The following REV3L variants were observed in gnomAD, a reference collection of about 807,000 sequenced individuals.
The protein encoded by REV3L is DNA polymerase zeta catalytic subunit.
REV3L carries 69 observed loss-of-function variants against 299.4 expected under a neutral mutation model. The observed-to-expected ratio is 0.23, with a 90% CI of 0.19 to 0.28. The LOEUF (loss-of-function observed/expected upper bound fraction) is 0.28. REV3L is among the 10% of genes least tolerant of loss of function. REV3L has a pLI of 1.00. For missense variants in REV3L, 3,128 were observed against 3,693.8 expected (o/e 0.85, Z 3.97); for synonymous variants, 1,238 against 1,271.4 (o/e 0.97, Z 0.56).
chr6:111,302,682 A>G (rs1163023302), intron 31 of REV3L, among the ~76,000 whole-genome samples: 2 of 152,158 alleles, frequency 1.3e-5, no homozygotes, highest in Admixed American at 6.5e-5. Flanking sequence ...AGGCAGGTGG[A>G]TCACCTGAGG....
rs753321329 is a variant in REV3L, at chr6:111,329,696, T to C, written c.8077A>G (p.Ile2693Val). 5.6e-6 allele frequency: 9 copies of C among 1,613,882 alleles called. No homozygotes were observed. The Admixed American group carries it at 1.5e-4, about 27-fold the overall frequency. Residue 2693 changes from isoleucine to valine, a missense_variant, in exon 25 of 32, where the codon ATT (isoleucine) becomes GTT (valine). By Grantham distance (29) the Ile-to-Val change is conservative (BLOSUM62 3). Around this residue, in one of 9 missense-constraint regions of REV3L, gnomAD observed 53 missense variants for 57.4 expected, o/e 0.92. Coordinates refer to ENST00000368802, the MANE Select transcript of REV3L (RefSeq NM_001372078.1). ...TTCACCATAAATCTAGTCTTCAAAATTTCTTCAAGCATTCTTGGTAGTACA... is the reference window on the plus strand; with the variant it reads ...TTCACCATAAATCTAGTCTTCAAAACTTCTTCAAGCATTCTTGGTAGTACA... ...KGVLPRMLEE[I>V]LKTRFMVKQS...
At chr6:111,419,572 G>C (rs991634138) in intron 1 of REV3L, among the ~76,000 whole-genome samples, 1 of 152,162 alleles carries the variant, frequency 6.6e-6, no homozygotes, top group Non-Finnish European at 1.5e-5. Flanking sequence ...GTTAGGATTA[G>C]GTTAAATTGT....
intron 20 of REV3L, 32 bp from the exon 21 acceptor site, chr6:111,344,075 A>C: frequency 7.0e-7 from 1 of 1,425,710 alleles, no homozygotes; most frequent in Non-Finnish European, 9.7e-7. Context: ...CATTATAATA[A>C]TGCTTACATT....
intron 1 of REV3L, among the ~76,000 whole-genome samples, chr6:111,455,006 T>G (rs1232654479): frequency 6.6e-6 from 1 of 152,118 alleles, no homozygotes; most frequent in African/African-American, 2.4e-5. Flanking sequence ...CAATAAGCAC[T>G]AAGGACACAA....
intron 1 of REV3L, among the ~76,000 whole-genome samples, chr6:111,425,759 C>CA (rs1462637213): frequency 6.6e-6 from 1 of 151,630 alleles, no homozygotes; most frequent in Admixed American, 6.6e-5. Context: ...CCAGCTATTT[C>CA]AAAAAACTAA....
rs540933853 is a variant in REV3L, at chr6:111,381,220, T to A, written c.1216+105A>T. On this transcript the variant is annotated intron_variant, in intron 10 of 31. Coordinates refer to ENST00000368802, the MANE Select transcript of REV3L (RefSeq NM_001372078.1). ...TATTCAGTAGAGTGTTTACTGAACATGCAACATTTACCTCTTCAAGTCAAT... is the reference window on the plus strand; with the variant it reads ...TATTCAGTAGAGTGTTTACTGAACAAGCAACATTTACCTCTTCAAGTCAAT... 9 of 1,155,002 alleles carry A rather than the reference T, an allele frequency of 7.8e-6. No individual in the cohort carries two copies. In the East Asian group the frequency reaches 2.1e-4, roughly 27 times the overall value. 71.5% of individuals were successfully genotyped at this position (1,155,002 alleles called of 1,614,324 possible).
Position 111,335,550 on chromosome 6 carries a change from C to A in REV3L, c.7599G>T (p.Gln2533His). 6.2e-7 allele frequency: 1 copy of A among 1,613,330 alleles called. No homozygotes were observed. Among genetic ancestry groups the A allele is most frequent in the South Asian group, 1.1e-5 (1 of 90,980 alleles). ...RVRGNLQMLE[Q>H]LDLIGKTSEM... Reference sequence around the variant, plus strand: ...CACTGGTTTTCCCAATCAGGTCCAGCTGTTCTAACATTTGGAGATTTCCAC... The same window carrying A: ...CACTGGTTTTCCCAATCAGGTCCAGATGTTCTAACATTTGGAGATTTCCAC... Residue 2533 changes from glutamine (Q) to histidine (H), a missense_variant, in exon 22 of 32, where the codon CAG becomes CAT. Physicochemically the swap from Gln to His is conservative, Grantham distance 24. This residue lies in a region of REV3L where 149 missense variants were observed against 286.4 expected (regional missense o/e 0.52). Transcript: ENST00000368802.
At chr6:111,302,662 T>TGG (rs1157005588) in intron 31 of REV3L, among the ~76,000 whole-genome samples, 1 of 152,192 alleles carries the variant, frequency 6.6e-6, no homozygotes, top group African/African-American at 2.4e-5. Context: ...CCTAGTACTC[T>TGG]GGGAGGCAGA....
At chr6:111,426,376 T>G (rs1786183911) in intron 1 of REV3L, among the ~76,000 whole-genome samples, 1 of 152,224 alleles carries the variant, frequency 6.6e-6, no homozygotes. Context: ...ACTATTTTCT[T>G]TCTCCTTATA....
chr6:111,329,167 TTGAG>T (rs777314337), intron 25 of REV3L, among the ~76,000 whole-genome samples: 2 of 152,062 alleles, frequency 1.3e-5, no homozygotes, highest in Non-Finnish European at 2.9e-5. Context: ...CCTCGGCCTC[TTGAG>T]TAACTGGGAT....
intron 21 of REV3L, 49 bp from the exon 22 acceptor site, chr6:111,335,659 C>T: frequency 6.5e-7 from 1 of 1,547,918 alleles, no homozygotes; most frequent in Non-Finnish European, 8.7e-7. Flanking sequence ...AATTTGGACA[C>T]TTGAAAACAG....
At chr6:111,455,471 G>C (rs1023714718) in intron 1 of REV3L, among the ~76,000 whole-genome samples, 1 of 152,090 alleles carries the variant, frequency 6.6e-6, no homozygotes, top group Admixed American at 6.5e-5. Context: ...GCAGGTGCTC[G>C]ATCATGAAAA....
chr6:111,453,142 C>T (rs1789750446), intron 1 of REV3L, among the ~76,000 whole-genome samples: 1 of 152,090 alleles, frequency 6.6e-6, no homozygotes, highest in Admixed American at 6.6e-5. Context: ...TAAGGGTTAC[C>T]TAAATCACAG....
At chr6:111,481,811 T>C (rs1163804880) in intron 1 of REV3L, among the ~76,000 whole-genome samples, 1 of 152,190 alleles carries the variant, frequency 6.6e-6, no homozygotes, top group Admixed American at 6.5e-5. Flanking sequence ...TCTATCTTTT[T>C]TATATTATCA....
Position 111,313,439 on chromosome 6 carries a change from C to T in REV3L, c.8517G>A (p.Met2839Ile), listed in dbSNP as rs1773191045. 6.2e-7 allele frequency: 1 copy of T among 1,613,188 alleles called. No individual in the cohort carries two copies. The highest frequency in any genetic ancestry group is 1.3e-5 in the African/African-American group (1 of 74,860). The change falls in exon 28 of 32, where the codon ATG becomes ATA. Residue 2839 changes from methionine (M) to isoleucine (I), a missense_variant. By Grantham distance (10) the Met-to-Ile change is conservative (BLOSUM62 1). This residue lies in a region of REV3L where 294 missense variants were observed against 377.0 expected (regional missense o/e 0.78). Coordinates refer to ENST00000368802, the MANE Select transcript of REV3L (RefSeq NM_001372078.1). ...LQTKKRYVGYMYETLDQKDPV... is the reference protein window; with the variant it reads ...LQTKKRYVGYIYETLDQKDPV... ...GGTCCTTCTGATCCAGTGTTTCATA[C>T]ATGTAACCCACATACCTCTTTTTTG...
At chr6:111,463,544 G>C (rs1791050487) in intron 1 of REV3L, among the ~76,000 whole-genome samples, 1 of 152,098 alleles carries the variant, frequency 6.6e-6, no homozygotes, top group South Asian at 2.1e-4. Flanking sequence ...TGCACAAGGA[G>C]GGAAAATATA....
chr6:111,456,634 G>A (rs1790192681), intron 1 of REV3L, among the ~76,000 whole-genome samples: 1 of 152,104 alleles, frequency 6.6e-6, no homozygotes, highest in Admixed American at 6.6e-5. Flanking sequence ...ATTTAAAAAT[G>A]CATATAACTA....
intron 15 of REV3L, among the ~76,000 whole-genome samples, chr6:111,364,528 T>A (rs576460429): frequency 6.6e-6 from 1 of 152,172 alleles, no homozygotes; most frequent in South Asian, 2.1e-4. Flanking sequence ...CCCAAAGTGT[T>A]ATGTTCACAA....
rs1030215704 is a variant in REV3L, at chr6:111,412,125, C to T, written c.330-571G>A. On this transcript the variant is annotated intron_variant, in intron 2 of 31. Coordinates refer to ENST00000368802, the MANE Select transcript of REV3L (RefSeq NM_001372078.1). ...AGAGACAATGTACCTATTATATGTA[C>T]ACACAGCATGTATTTCAGTAGCTGA... The T allele has an allele frequency of 3.1e-5, 31 of 985,196 alleles. No homozygotes were observed. The African/African-American group carries it at 5.2e-4, about 17-fold the overall frequency. 61.0% of individuals were successfully genotyped at this position (985,196 alleles called of 1,614,324 possible).
Sources: allele counts gnomAD v4.1 joint callset (sites outside exome capture counted in the v4.1 genomes callset), GRCh38; gene constraint gnomAD v4.1.1; regional missense constraint gnomAD v4.1.1; transcripts MANE v1.5; gene names NCBI Gene and HGNC (gene_info 2026-07-23, HGNC 2026-07-21).